The following CNTN4 variants were observed in gnomAD, a reference collection of about 807,000 sequenced individuals.
CNTN4 encodes contactin 4, also known as contactin-4.
Under a neutral mutation model 122.5 loss-of-function variants are expected in CNTN4, and 77 were observed. The ratio of observed to expected loss-of-function variants is 0.63; its 90% CI spans 0.52 to 0.76. The LOEUF is 0.76. Among genes scored for constraint, CNTN4 ranks in the 30% least tolerant of loss-of-function variants. The pLI is 0.00. For synonymous variants in CNTN4, 512 were observed against 447.0 expected (o/e 1.15, Z -1.83); for missense variants, 1,256 against 1,259.1 (o/e 1.00, Z 0.04).
chr3:2,239,400 A>T (rs1472154296), intron 2 of CNTN4, among the ~76,000 whole-genome samples: 1 of 152,150 alleles, frequency 6.6e-6, no homozygotes, highest in Non-Finnish European at 1.5e-5. Flanking sequence ...GCACAGACAC[A>T]CATACCCTCA....
At chr3:2,447,727 A>G (rs1424114315) in intron 3 of CNTN4, among the ~76,000 whole-genome samples, 1 of 152,166 alleles carries the variant, frequency 6.6e-6, no homozygotes, top group East Asian at 1.9e-4. Context: ...CTCAGTATGA[A>G]TATTCAATAC....
At chr3:2,621,832 A>G (rs1375006641) in intron 4 of CNTN4, among the ~76,000 whole-genome samples, 1 of 152,078 alleles carries the variant, frequency 6.6e-6, no homozygotes, top group Admixed American at 6.6e-5. Flanking sequence ...AGGTATGGCC[A>G]AGAGAATGAT....
At chr3:2,340,465 C>T (rs2044140052) in intron 3 of CNTN4, among the ~76,000 whole-genome samples, 2 of 150,312 alleles carry the variant, frequency 1.3e-5, no homozygotes, top group Non-Finnish European at 1.5e-5. Flanking sequence ...TTTTTAACAC[C>T]CTCAGTTAAA....
intron 23 of CNTN4, among the ~76,000 whole-genome samples, chr3:3,045,276 G>C (rs1197143278): frequency 6.6e-6 from 1 of 152,212 alleles, no homozygotes; most frequent in South Asian, 2.1e-4. Context: ...GCTTTGAAGA[G>C]AATAGTGTTT....
At chr3:2,257,732 A>G (rs1450848386) in intron 2 of CNTN4, among the ~76,000 whole-genome samples, 5 of 152,194 alleles carry the variant, frequency 3.3e-5, no homozygotes, top group Non-Finnish European at 7.3e-5. Context: ...CCACAATGAG[A>G]TACCATCTCT....
intron 6 of CNTN4, among the ~76,000 whole-genome samples, chr3:2,773,538 TA>T (rs2091190972): frequency 6.6e-6 from 1 of 152,068 alleles, no homozygotes; most frequent in African/African-American, 2.4e-5. Flanking sequence ...CTCAGAAAAG[TA>T]ATGCATGTAG....
At chr3:2,810,862 A>AG (rs1477786882) in intron 6 of CNTN4, among the ~76,000 whole-genome samples, 3 of 152,218 alleles carry the variant, frequency 2.0e-5, no homozygotes, top group Admixed American at 2.0e-4. Flanking sequence ...ATGACCGAAG[A>AG]GGGTGACAAA....
At chr3:3,014,880 T>TG (rs1491143089) in intron 14 of CNTN4, among the ~76,000 whole-genome samples, 1 of 344 alleles carries the variant, frequency 2.9e-3, no homozygotes, top group African/African-American at 0.017. Flanking sequence ...CCTCGATTGG[T>TG]TTTTTTTTTT....
chr3:2,824,089 C>T (rs2092933593), intron 7 of CNTN4, among the ~76,000 whole-genome samples: 1 of 151,514 alleles, frequency 6.6e-6, no homozygotes, highest in Non-Finnish European at 1.5e-5. Flanking sequence ...TTGTTAAAAC[C>T]ATAGGTGTCC....
intron 7 of CNTN4, chr3:2,866,354 C>A: frequency 5.1e-6 from 2 of 388,990 alleles, no homozygotes; most frequent in Non-Finnish European, 7.6e-6. Context: ...AAGAAATGAT[C>A]TAAATAGTTT....
At chr3:2,580,624 T>G (rs2079892693) in intron 4 of CNTN4, among the ~76,000 whole-genome samples, 1 of 152,200 alleles carries the variant, frequency 6.6e-6, no homozygotes, top group African/African-American at 2.4e-5. Context: ...TGTTGGATGA[T>G]GTAGCCCCAC....
At chr3:2,839,299 T>C (rs1235222073) in intron 7 of CNTN4, among the ~76,000 whole-genome samples, 1 of 152,124 alleles carries the variant, frequency 6.6e-6, no homozygotes, top group Non-Finnish European at 1.5e-5. Context: ...CAAGTGCCTT[T>C]AAGATTCTGG....
chr3:2,405,900 G>A (rs1427137088), intron 3 of CNTN4, among the ~76,000 whole-genome samples: 1 of 152,032 alleles, frequency 6.6e-6, no homozygotes, highest in East Asian at 1.9e-4. Flanking sequence ...GGTGGTGCAT[G>A]CCTGTAGTCC....
chr3:2,273,457 A>G (rs2041380675), intron 2 of CNTN4, among the ~76,000 whole-genome samples: 2 of 152,226 alleles, frequency 1.3e-5, no homozygotes, highest in South Asian at 2.1e-4. Context: ...TGTACTATTG[A>G]TGTCTTATGG....
intron 3 of CNTN4, among the ~76,000 whole-genome samples, chr3:2,553,981 C>G (rs2078619526): frequency 6.6e-6 from 1 of 152,146 alleles, no homozygotes; most frequent in East Asian, 1.9e-4. Context: ...TTTTCTGTAA[C>G]TACCAAACTG....
intron 13 of CNTN4, among the ~76,000 whole-genome samples, chr3:2,981,790 A>G (rs747570780): frequency 6.6e-6 from 1 of 152,102 alleles, no homozygotes; most frequent in Non-Finnish European, 1.5e-5. Flanking sequence ...CACTCCTGGC[A>G]TCTGAGCACT....
intron 3 of CNTN4, among the ~76,000 whole-genome samples, chr3:2,346,042 T>G (rs2044386279): frequency 6.6e-6 from 1 of 152,204 alleles, no homozygotes; most frequent in Admixed American, 6.5e-5. Context: ...CCCCCCTTCT[T>G]TTTTACTAAG....
chr3:3,056,248 T>G lies in CNTN4; in HGVS notation c.*28T>G, dbSNP rs1177389344. The G allele has an allele frequency of 4.6e-6, 7 of 1,529,884 alleles. No homozygotes were observed. Among genetic ancestry groups the G allele is most frequent in the Non-Finnish European group, 6.3e-6 (7 of 1,103,324 alleles). 94.8% of individuals were successfully genotyped at this position (1,529,884 alleles called of 1,614,324 possible). A position where few individuals can be genotyped will look rare whatever the true frequency, so the allele number is the denominator to read the frequency against. On this transcript the variant is annotated 3_prime_UTR_variant, in exon 25 of 25. Transcript: ENST00000418658. ...AAAGTTATCTGAAGGACTTGCTGTT[T>G]ATAATATAAGCAACATTTAGCTAGT...
intron 3 of CNTN4, among the ~76,000 whole-genome samples, chr3:2,466,203 T>G (rs906637036): frequency 2.0e-5 from 3 of 152,220 alleles, no homozygotes; most frequent in Admixed American, 6.5e-5. Context: ...TGTTCAAATA[T>G]TAGGGCCATT....
Sources: gnomAD v4.1 joint callset for allele counts (sites outside exome capture counted in the v4.1 genomes callset) on GRCh38, gnomAD v4.1.1 for gene constraint, MANE v1.5 for transcripts, NCBI Gene and HGNC (gene_info 2026-07-23, HGNC 2026-07-21) for gene names.